TCP11L1: variants seen among roughly 807,000 people sequenced by gnomAD.
TCP11L1 encodes the protein t-complex 11 like 1, also known as T-complex protein 11-like protein 1.
A neutral mutation model predicts 48.9 loss-of-function variants in TCP11L1; 28 were observed. The observed-to-expected ratio is 0.57, with a 90% CI of 0.42 to 0.78. TCP11L1 has a LOEUF of 0.78. Among genes scored for constraint, TCP11L1 ranks in the 30% least tolerant of loss-of-function variants. The pLI, the probability that TCP11L1 is intolerant of heterozygous loss-of-function variation, is 0.00. For missense variants in TCP11L1, 505 were observed against 613.4 expected (o/e 0.82, Z 1.87); for synonymous variants, 204 against 231.9 (o/e 0.88, Z 1.09).
intron 5 of TCP11L1, among the ~76,000 whole-genome samples, chr11:33,058,353 C>T (rs1159343780): frequency 2.0e-5 from 3 of 152,038 alleles, no homozygotes; most frequent in South Asian, 2.1e-4. Flanking sequence ...CACGCACCAC[C>T]GTGCCCAGCT....
chr11:33,044,003 C>T (rs1193650253), intron 2 of TCP11L1, 67 bp downstream of exon 2: 1 of 1,455,062 alleles, frequency 6.9e-7, no homozygotes, highest in Non-Finnish European at 9.2e-7. Flanking sequence ...TTTATGAGGC[C>T]TCCTTGTGCA....
intron 2 of TCP11L1, among the ~76,000 whole-genome samples, chr11:33,048,175 T>C (rs1854054569): frequency 7.0e-6 from 1 of 143,118 alleles, no homozygotes; most frequent in Non-Finnish European, 1.5e-5. Context: ...AAGTTACATG[T>C]ATCTTTACAT....
At chr11:33,050,853 A>G (rs1435254839) in intron 2 of TCP11L1, among the ~76,000 whole-genome samples, 2 of 150,110 alleles carry the variant, frequency 1.3e-5, no homozygotes, top group Non-Finnish European at 2.9e-5. Context: ...TCTATCTGTC[A>G]CCTATGCTGG....
chr11:33,043,778 C>G lies in TCP11L1; in HGVS notation c.5C>G (p.Ser2Cys). 1 of 1,600,026 alleles carries G rather than the reference C, an allele frequency of 6.2e-7. No individual in the cohort carries two copies. The highest frequency in any genetic ancestry group is 8.5e-7 in the Non-Finnish European group (1 of 1,175,288). The change falls in exon 2 of 10, where the codon TCT becomes TGT. Residue 2 changes from serine to cysteine, a missense_variant. Ser to Cys is a moderately radical substitution (Grantham distance 112, BLOSUM62 -1). Around this residue, in one of 3 missense-constraint regions of TCP11L1, gnomAD observed 168 missense variants for 183.5 expected, o/e 0.92. Transcript: ENST00000334274. ...AGTGAATAAACTTAATTGAGAATGT[C>G]TGAAAACCTTGACAAGTCCAATGTA... MSENLDKSNVNE... is the reference protein window; with the variant it reads MCENLDKSNVNE...
chr11:33,040,675 A>G (rs899928582), intron 1 of TCP11L1: 1 of 152,190 alleles, frequency 6.6e-6, no homozygotes, highest in African/African-American at 2.4e-5. Context: ...ATCTGGCCCC[A>G]ACGCATCTTT....
intron 8 of TCP11L1, 64 bp downstream of exon 8, chr11:33,066,075 C>G: frequency 6.3e-7 from 1 of 1,580,104 alleles, no homozygotes; most frequent in Non-Finnish European, 8.6e-7. Flanking sequence ...TGGAGTCTCC[C>G]AGAGGGGTCT....
intron 2 of TCP11L1, among the ~76,000 whole-genome samples, chr11:33,049,452 G>A (rs556522779): frequency 6.6e-6 from 1 of 152,046 alleles, no homozygotes; most frequent in Admixed American, 6.6e-5. Context: ...AGAAAAGTGG[G>A]CCCAGGGGAC....
rs572148330 is a variant in TCP11L1 at position 33,057,398 on chromosome 11, A to T, written c.417+163A>T. Among the ~76,000 whole-genome samples, 46 of 152,144 alleles carry T rather than the reference A, an allele frequency of 3.0e-4. 1 individual carries two copies. Among genetic ancestry groups the T allele is most frequent in the African/African-American group, 1.0e-3 (43 of 41,482 alleles). ...TGTTTTTGGCTTAATGCCCTTTTTT[A>T]AAAAAAAGTTTTAAGCAAACCATGA... On this transcript the variant is annotated intron_variant, in intron 4 of 9. Transcript: ENST00000334274.
chr11:33,067,862 T>C (rs1854662567), intron 8 of TCP11L1, among the ~76,000 whole-genome samples: 1 of 152,148 alleles, frequency 6.6e-6, no homozygotes, highest in African/African-American at 2.4e-5. Flanking sequence ...GTACTCTTTT[T>C]TTTTAACTTT....
chr11:33,064,255 C>T lies in TCP11L1; in HGVS notation c.973-1575C>T, dbSNP rs571240843. 2.6e-5 allele frequency among the ~76,000 whole-genome samples: 4 copies of T among 152,346 alleles called. No individual in the cohort carries two copies. In the South Asian group the frequency reaches 6.2e-4, roughly 24 times the overall value. The stretch of plus-strand genomic sequence containing the variant: ...CTTGGCAATCTGCATCCTAAACTCA[C>T]GTCCTGCTGTTGGGAAGCCACAAAG... On this transcript the variant is annotated intron_variant, in intron 7 of 9. Transcript: ENST00000334274.
chr11:33,052,232 CTTAAAAG>C (rs1318670374), intron 2 of TCP11L1, among the ~76,000 whole-genome samples: 1 of 152,078 alleles, frequency 6.6e-6, no homozygotes, highest in Non-Finnish European at 1.5e-5. Flanking sequence ...TACACCTGAA[CTTAAAAG>C]TTAAAAAAAA....
In TCP11L1 at chr11:33,068,603, G is replaced by A. The variant is rs531687265; in HGVS notation, c.1155-84G>A. 106 of 1,503,292 alleles carry A rather than the reference G, an allele frequency of 7.1e-5. No individual in the cohort carries two copies. In the African/African-American group the frequency reaches 1.1e-3, roughly 15 times the overall value. The allele number at this position is 1,503,292 out of a possible 1,614,324, so 93.1% of individuals were successfully genotyped here. On this transcript the variant is annotated intron_variant, in intron 8 of 9. Transcript: ENST00000334274. Reference sequence around the variant, plus strand: ...ACACACAAATCCAGTTATTGGTGCCGTCATTCTCACCCGGGTGTGGGCGGT... The same window carrying A: ...ACACACAAATCCAGTTATTGGTGCCATCATTCTCACCCGGGTGTGGGCGGT...
At chr11:33,045,416 G>A (rs989626295) in intron 2 of TCP11L1, among the ~76,000 whole-genome samples, 5 of 151,800 alleles carry the variant, frequency 3.3e-5, no homozygotes, top group South Asian at 2.1e-4. Flanking sequence ...CTTGGGAGGC[G>A]GGGACAGGAG....
chr11:33,051,197 T>G (rs1194647447), intron 2 of TCP11L1, among the ~76,000 whole-genome samples: 2 of 152,204 alleles, frequency 1.3e-5, no homozygotes, highest in East Asian at 3.9e-4. Flanking sequence ...AGACGGAGTC[T>G]CGCTCTGTCG....
rs2273546 is a variant in TCP11L1, at chr11:33,057,097, T to C, written c.297-18T>C. On this transcript the variant is annotated intron_variant, in intron 3 of 9. Coordinates refer to ENST00000334274, the MANE Select transcript of TCP11L1 (RefSeq NM_018393.4). ...ATTTTGGTTTTTGCCCCCCTCCTTT[T>C]TTTTTTCACTGCCCCAGCTTGAAGA... 635,518 of 1,608,984 alleles carry C rather than the reference T, an allele frequency of 0.39. 127,122 individuals carry two copies. The highest frequency in any genetic ancestry group is 0.48 in the African/African-American group (35,663 of 74,672).
At position 33,068,835 on chromosome 11, in the gene TCP11L1, G is replaced by A. The variant is rs1363482439; in HGVS notation, c.1303G>A (p.Asp435Asn). ...CCAGATCCAGGCCGTGGCCAGTCCC[G>A]ATGACCCCATTCGCAGGATCATGGG... The part of the protein sequence containing the change: ...KGQIQAVASP[D>N]DPIRRIMESR... Residue 435 changes from aspartate (D) to asparagine (N), a missense_variant, in exon 9 of 10, where the codon GAT becomes AAT. This residue lies in a region of TCP11L1 where 335 missense variants were observed against 413.3 expected (regional missense o/e 0.81). Coordinates refer to ENST00000334274, the MANE Select transcript of TCP11L1 (RefSeq NM_018393.4). 8.7e-6 allele frequency: 14 copies of A among 1,613,442 alleles called. No individual in the cohort carries two copies. Among genetic ancestry groups the A allele is most frequent in the East Asian group, 4.5e-5 (2 of 44,864 alleles).
rs774680921 is a variant in TCP11L1, at chr11:33,072,724, C to A, written c.*48C>A. The A allele has an allele frequency of 6.3e-7, 1 of 1,587,522 alleles. No homozygotes were observed. Among genetic ancestry groups the A allele is most frequent in the South Asian group, 1.1e-5 (1 of 90,462 alleles). On this transcript the variant is annotated 3_prime_UTR_variant, in exon 10 of 10. Transcript: ENST00000334274. ...AGTATTACTCACTAGCCACAGAATA[C>A]CTGTTCTGTACTCTAATGTTGCATT...
chr11:33,061,701 A>G lies in TCP11L1; in HGVS notation c.947A>G (p.Asp316Gly). Residue 316 changes from aspartate (D) to glycine (G), a missense_variant, in exon 7 of 10, where the codon GAC becomes GGC. Coordinates refer to ENST00000334274, the MANE Select transcript of TCP11L1 (RefSeq NM_018393.4). ...NYAYLKLLKWDHLQRPFPETV... is the reference protein window; with the variant it reads ...NYAYLKLLKWGHLQRPFPETV... Reference sequence around the variant, plus strand: ...GCTTACCTGAAGCTTCTGAAGTGGGACCACCTCCAGAGGCCGTTCCCCGAA... The same window carrying G: ...GCTTACCTGAAGCTTCTGAAGTGGGGCCACCTCCAGAGGCCGTTCCCCGAA... 1.9e-6 allele frequency: 3 copies of G among 1,605,824 alleles called. No individual in the cohort carries two copies. Among genetic ancestry groups the G allele is most frequent in the Non-Finnish European group, 1.7e-6 (2 of 1,175,040 alleles).
At chr11:33,048,581 C>G (rs1854066557) in intron 2 of TCP11L1, among the ~76,000 whole-genome samples, 1 of 152,164 alleles carries the variant, frequency 6.6e-6, no homozygotes, top group Non-Finnish European at 1.5e-5. Flanking sequence ...CTATCATGAT[C>G]AGATACCTGT....
Sources: gnomAD v4.1 joint callset for allele counts (sites outside exome capture counted in the v4.1 genomes callset) on GRCh38, gnomAD v4.1.1 for gene constraint, gnomAD v4.1.1 regional missense constraint, MANE v1.5 for transcripts, NCBI Gene and HGNC (gene_info 2026-07-23, HGNC 2026-07-21) for gene names.